SH3PXD2A: variants seen among roughly 807,000 people sequenced by gnomAD.
SH3PXD2A encodes the protein SH3 and PX domains 2A.
In SH3PXD2A, 32 loss-of-function variants were observed where a neutral mutation model predicts 115.2. The observed-to-expected ratio is 0.28, with a 90% CI of 0.21 to 0.37. The LOEUF is 0.37. Among genes scored for constraint, SH3PXD2A ranks in the 10% least tolerant of loss-of-function variants. SH3PXD2A has a pLI of 1.00. For missense variants in SH3PXD2A, 1,328 were observed against 1,498.7 expected, an observed-to-expected ratio of 0.89 and a Z score of 1.88; for synonymous variants, 610 against 629.1, an observed-to-expected ratio of 0.97 and a Z score of 0.45.
intron 2 of SH3PXD2A, among the ~76,000 whole-genome samples, chr10:103,779,331 C>T (rs769498037): frequency 4.6e-5 from 7 of 152,176 alleles, no homozygotes; most frequent in Non-Finnish European, 8.8e-5. Context: ...CATGAGGCGC[C>T]GTGCGGGGCC....
chr10:103,771,008 T>C lies in SH3PXD2A; in HGVS notation c.154-3839A>G, dbSNP rs549030997. The stretch of plus-strand genomic sequence containing the variant: ...AGAATTCATAAATGGATAACTAACA[T>C]GTCATTGGGGCCTCTGAGAAATGAC... On this transcript the variant is annotated intron_variant, in intron 2 of 14. Coordinates refer to ENST00000369774, the MANE Select transcript of SH3PXD2A (RefSeq NM_001394015.1). Among the ~76,000 whole-genome samples the C allele has an allele frequency of 3.9e-5, 6 of 152,322 alleles. No individual in the cohort carries two copies. The East Asian group carries it at 9.6e-4, about 24-fold the overall frequency.
chr10:103,825,753 C>A (rs528491192), intron 1 of SH3PXD2A, among the ~76,000 whole-genome samples: 170 of 143,958 alleles, frequency 1.2e-3, no homozygotes, highest in African/African-American at 4.2e-3. Context: ...AACACAGCAT[C>A]CGTAACAAAT....
In SH3PXD2A at chr10:103,598,950, A is replaced by AAT. The variant is rs2133899386; in HGVS notation, c.*2865_*2866insAT. The AAT allele has an allele frequency of 1.3e-5, 2 of 152,708 alleles. No individual in the cohort carries two copies. The highest frequency in any genetic ancestry group is 3.9e-4 in the East Asian group (2 of 5,184). The allele number at this position is 152,708 out of a possible 1,614,324, so 9.5% of individuals were successfully genotyped here. ...GCATGGCAATCCCTGTTCACTGCCC[A>AAT]AATCTACATGCTGTCACCAGATGGC... On this transcript the variant is annotated 3_prime_UTR_variant, in exon 15 of 15. Coordinates refer to ENST00000369774, the MANE Select transcript of SH3PXD2A (RefSeq NM_001394015.1).
intron 1 of SH3PXD2A, among the ~76,000 whole-genome samples, chr10:103,842,124 C>CA (rs541852028): frequency 0.38 from 33,673 of 88,692 alleles, 6,385 homozygotes; most frequent in East Asian, 0.67. Flanking sequence ...GACTCCGTCT[C>CA]AAAAAAAAAA....
At chr10:103,605,698 T>C (rs2036289980) in intron 14 of SH3PXD2A, 100 bp downstream of exon 14, 2 of 1,439,142 alleles carry the variant, frequency 1.4e-6, no homozygotes, top group Non-Finnish European at 1.9e-6. Flanking sequence ...CCTGCCTGCC[T>C]GCCCCTCAGG....
intron 5 of SH3PXD2A, 78 bp from the exon 6 acceptor site, chr10:103,693,134 G>A (rs768098074): frequency 5.6e-5 from 73 of 1,294,626 alleles, no homozygotes; most frequent in Non-Finnish European, 7.9e-5. Flanking sequence ...GGGCGCCCTC[G>A]GGCTGGCTGC....
chr10:103,599,040 A>C lies in SH3PXD2A; in HGVS notation c.*2776T>G, dbSNP rs1403116547. ...GCCATCCTTGGGGCTGGATGTCACA[A>C]TGTAAACATGACCACACAATAAACT... On this transcript the variant is annotated 3_prime_UTR_variant, in exon 15 of 15. Transcript: ENST00000369774. 1 of 152,556 alleles carries C rather than the reference A, an allele frequency of 6.6e-6. No individual in the cohort carries two copies. The highest frequency in any genetic ancestry group is 2.4e-5 in the African/African-American group (1 of 41,434). The allele number at this position is 152,556 out of a possible 1,614,324, so 9.5% of individuals were successfully genotyped here.
intron 11 of SH3PXD2A, among the ~76,000 whole-genome samples, chr10:103,614,291 C>A (rs1418013457): frequency 2.6e-5 from 4 of 151,910 alleles, no homozygotes; most frequent in Non-Finnish European, 5.9e-5. Context: ...AAACTGATGA[C>A]CCAGTTAGGA....
intron 2 of SH3PXD2A, among the ~76,000 whole-genome samples, chr10:103,781,510 T>C (rs1338033728): frequency 1.3e-5 from 2 of 152,234 alleles, no homozygotes; most frequent in African/African-American, 4.8e-5. Flanking sequence ...GTTGAGTCAC[T>C]GAGTTTGTTA....
At chr10:103,852,343 T>A (rs1251382329) in intron 1 of SH3PXD2A, among the ~76,000 whole-genome samples, 1 of 152,260 alleles carries the variant, frequency 6.6e-6, no homozygotes, top group Non-Finnish European at 1.5e-5. Context: ...GCAAACCCTT[T>A]GCAGAATGTC....
intron 5 of SH3PXD2A, among the ~76,000 whole-genome samples, chr10:103,723,035 G>A (rs1564873265): frequency 1.3e-5 from 2 of 152,148 alleles, no homozygotes. Flanking sequence ...GGGTGTGCAG[G>A]CCACATATTC....
chr10:103,609,899 G>A (rs537165321), intron 13 of SH3PXD2A: 3 of 152,306 alleles, frequency 2.0e-5, no homozygotes, highest in Admixed American at 2.0e-4. Context: ...TGTGGCCCTG[G>A]GCAAAGCCCT....
intron 8 of SH3PXD2A, among the ~76,000 whole-genome samples, chr10:103,631,109 T>G (rs909693013): frequency 6.6e-6 from 1 of 151,998 alleles, no homozygotes; most frequent in Non-Finnish European, 1.5e-5. Context: ...TACCAAAAAT[T>G]TTAAAATTAG....
rs1554913264 is a variant in SH3PXD2A, at chr10:103,702,596, C to CGCGTGTGTGT, written c.399-9541_399-9540insACACACACGC. Among the ~76,000 whole-genome samples, 413 of 147,558 alleles carry CGCGTGTGTGT rather than the reference C, an allele frequency of 2.8e-3. 2 individuals carry two copies. Among genetic ancestry groups the CGCGTGTGTGT allele is most frequent in the Non-Finnish European group, 4.4e-3 (297 of 67,148 alleles). On this transcript the variant is annotated intron_variant, in intron 5 of 14. Coordinates refer to ENST00000369774, the MANE Select transcript of SH3PXD2A (RefSeq NM_001394015.1). Reference sequence around the variant, plus strand: ...GAACAGATGTAAGCCTGTGTGTGTGCGTGTGTGTGTGTGTGTGCATGCTGG... The same window carrying CGCGTGTGTGT: ...GAACAGATGTAAGCCTGTGTGTGTGCGCGTGTGTGTGTGTGTGTGTGTGTGTGCATGCTGG...
At chr10:103,837,580 G>A (rs1357331248) in intron 1 of SH3PXD2A, among the ~76,000 whole-genome samples, 3 of 152,226 alleles carry the variant, frequency 2.0e-5, no homozygotes, top group Non-Finnish European at 2.9e-5. Context: ...GAGGTGGGGA[G>A]CTGTCAGTGT....
At chr10:103,772,933 G>C (rs2038842510) in intron 2 of SH3PXD2A, among the ~76,000 whole-genome samples, 1 of 152,196 alleles carries the variant, frequency 6.6e-6, no homozygotes, top group South Asian at 2.1e-4. Context: ...CTTAAAAAGA[G>C]ACAAGGACAG....
intron 1 of SH3PXD2A, among the ~76,000 whole-genome samples, chr10:103,843,697 G>A (rs1254040305): frequency 2.6e-5 from 4 of 152,176 alleles, no homozygotes; most frequent in Non-Finnish European, 5.9e-5. Flanking sequence ...GCCCTTTGGG[G>A]TTTTATCCAG....
chr10:103,736,171 C>T (rs2038378716), intron 3 of SH3PXD2A, among the ~76,000 whole-genome samples: 1 of 152,252 alleles, frequency 6.6e-6, no homozygotes, highest in South Asian at 2.1e-4. Context: ...AGCCCACATG[C>T]TACGCTTTGT....
intron 2 of SH3PXD2A, among the ~76,000 whole-genome samples, chr10:103,788,883 A>AAAAAT (rs908483234): frequency 6.6e-6 from 1 of 151,968 alleles, no homozygotes; most frequent in African/African-American, 2.4e-5. Context: ...CTCTGCCTCA[A>AAAAAT]AAAATAAAAT....
Sources: allele counts gnomAD v4.1 joint callset (sites outside exome capture counted in the v4.1 genomes callset), GRCh38; gene constraint gnomAD v4.1.1; transcripts MANE v1.5; gene names NCBI Gene and HGNC (gene_info 2026-07-23, HGNC 2026-07-21).